Variants in CFAP54 observed in about 807,000 individuals in gnomAD.
The protein encoded by CFAP54 is cilia- and flagella-associated protein 54.
In CFAP54, 290 loss-of-function variants were observed where a neutral mutation model predicts 370.4. The ratio of observed to expected loss-of-function variants is 0.78; its 90% CI spans 0.71 to 0.86. CFAP54 has a LOEUF of 0.86. Ranked by LOEUF, CFAP54 falls within the 40% of genes least tolerant of loss-of-function variation. The pLI, the probability that CFAP54 is intolerant of heterozygous loss-of-function variation, is 0.00. For synonymous variants in CFAP54, 1,206 were observed against 1,236.5 expected, an observed-to-expected ratio of 0.98 and a Z score of 0.52; for missense variants, 3,399 against 3,528.7, an observed-to-expected ratio of 0.96 and a Z score of 0.93.
At chr12:96,812,495 T>C (rs1173479924) in intron 64 of CFAP54, among the ~76,000 whole-genome samples, 1 of 152,222 alleles carries the variant, frequency 6.6e-6, no homozygotes, top group Non-Finnish European at 1.5e-5. Context: ...TTGACTCCAT[T>C]GTTCATTGCC....
chr12:96,550,457 G>A (rs1391721216), intron 15 of CFAP54, among the ~76,000 whole-genome samples: 4 of 152,132 alleles, frequency 2.6e-5, no homozygotes, highest in Non-Finnish European at 5.9e-5. Flanking sequence ...CCTGCCTGTA[G>A]TCCCAGCTAC....
At chr12:96,522,024 ATACT>A (rs1490645964) in intron 7 of CFAP54, 54 bp downstream of exon 7, 17 of 1,524,572 alleles carry the variant, frequency 1.1e-5, no homozygotes, top group Non-Finnish European at 1.5e-5. Flanking sequence ...AGCTGATTAA[ATACT>A]TAGTAGTTGG....
rs1960274333 is a variant in CFAP54, at chr12:96,875,133, GAAAT to G, written c.*35_*38del. On this transcript the variant is annotated 3_prime_UTR_variant, in exon 68 of 68. Coordinates refer to ENST00000524981, the MANE Select transcript of CFAP54 (RefSeq NM_001306084.2). ...CCTCCTCTAGGGATGATAAAACTGA[GAAAT>G]AAATCAAGAGTATGACAACAGACTG... The G allele has an allele frequency of 6.6e-6, 1 of 152,116 alleles. No individual in the cohort carries two copies. Among genetic ancestry groups the G allele is most frequent in the African/African-American group, 2.4e-5 (1 of 41,420 alleles). The allele number at this position is 152,116 out of a possible 1,614,324, so 9.4% of individuals were successfully genotyped here.
At chr12:96,671,741 G>A (rs528940450) in intron 39 of CFAP54, among the ~76,000 whole-genome samples, 17 of 152,236 alleles carry the variant, frequency 1.1e-4, no homozygotes, top group African/African-American at 4.1e-4. Context: ...GGCCAACACG[G>A]TGAAACCCCG....
At chr12:96,694,117 C>G (rs184992564) in intron 45 of CFAP54, among the ~76,000 whole-genome samples, 20 of 152,284 alleles carry the variant, frequency 1.3e-4, no homozygotes, top group East Asian at 1.2e-3. Flanking sequence ...ACCAACTGAA[C>G]CAGATTTCTG....
intron 14 of CFAP54, among the ~76,000 whole-genome samples, chr12:96,544,974 C>T (rs1439925974): frequency 5.9e-5 from 9 of 151,836 alleles, no homozygotes; most frequent in East Asian, 5.8e-4. Context: ...TGCGGTGGCA[C>T]GATCTTGGCT....
rs1243763131 is a variant in CFAP54 at position 96,644,427 on chromosome 12, G to T, written c.4547+19G>T. The T allele has an allele frequency of 2.1e-6, 3 of 1,454,450 alleles. No individual in the cohort carries two copies. The African/African-American group carries it at 4.2e-5, about 20-fold the overall frequency. The allele number at this position is 1,454,450 out of a possible 1,614,324, so 90.1% of individuals were successfully genotyped here. A position where few individuals can be genotyped will look rare whatever the true frequency, so the allele number is the denominator to read the frequency against. On this transcript the variant is annotated intron_variant, in intron 33 of 67. Coordinates refer to ENST00000524981, the MANE Select transcript of CFAP54 (RefSeq NM_001306084.2). ...TGGTCAGGTATAGTATATTACTGAT[G>T]AAAAATACTTTTTTAGTTTCATGAA...
chr12:96,672,773 A>C (rs563270743), intron 39 of CFAP54, among the ~76,000 whole-genome samples: 1 of 152,324 alleles, frequency 6.6e-6, no homozygotes, highest in African/African-American at 2.4e-5. Context: ...TATCCCTTCC[A>C]TCTTAAAAAG....
intron 23 of CFAP54, among the ~76,000 whole-genome samples, chr12:96,590,032 C>A (rs1270556080): frequency 6.6e-6 from 1 of 152,192 alleles, no homozygotes; most frequent in Non-Finnish European, 1.5e-5. Context: ...CAGGCATAAG[C>A]CACCATGCCC....
At chr12:96,781,516 T>C (rs1209657952) in intron 60 of CFAP54, among the ~76,000 whole-genome samples, 1 of 152,076 alleles carries the variant, frequency 6.6e-6, no homozygotes, top group Admixed American at 6.6e-5. Flanking sequence ...TTTCAACTTA[T>C]TGACAAAACA....
In CFAP54 at chr12:96,581,118, T is replaced by C. The variant is rs1335101846; in HGVS notation, c.3075+13T>C. On this transcript the variant is annotated intron_variant, in intron 22 of 67. Transcript: ENST00000524981. ...GTTCCTGACACAGGTAGAAAAGATTTCTGCTAATTTTTTCCACTGTGTTTT... is the reference window on the plus strand; with the variant it reads ...GTTCCTGACACAGGTAGAAAAGATTCCTGCTAATTTTTTCCACTGTGTTTT... 7.0e-7 allele frequency: 1 copy of C among 1,419,776 alleles called. No individual in the cohort carries two copies. The highest frequency in any genetic ancestry group is 2.9e-5 in the Admixed American group (1 of 34,178). 87.9% of individuals were successfully genotyped at this position (1,419,776 alleles called of 1,614,324 possible). A position where few individuals can be genotyped will look rare whatever the true frequency, so the allele number is the denominator to read the frequency against.
At chr12:96,768,227 A>G (rs1398724645) in intron 60 of CFAP54, among the ~76,000 whole-genome samples, 1 of 152,188 alleles carries the variant, frequency 6.6e-6, no homozygotes, top group African/African-American at 2.4e-5. Context: ...AGGGTGAGAC[A>G]GGAGAATCGC....
chr12:96,572,438 A>T (rs1291368310), intron 19 of CFAP54, among the ~76,000 whole-genome samples: 3 of 146,730 alleles, frequency 2.0e-5, no homozygotes, highest in African/African-American at 5.0e-5. Flanking sequence ...GGAATGAGTG[A>T]TTTTTTTTTT....
At chr12:96,758,916 A>C (rs1958299941) in intron 58 of CFAP54, among the ~76,000 whole-genome samples, 1 of 152,188 alleles carries the variant, frequency 6.6e-6, no homozygotes, top group Admixed American at 6.5e-5. Flanking sequence ...CCAAGGTTCT[A>C]GACTCAGGGA....
rs533147912 is a variant in CFAP54 at position 96,723,581 on chromosome 12, A to AT, written c.6965+3017dup. The stretch of plus-strand genomic sequence containing the variant: ...ACCTTCACAGGAGTAACTTTAGAAG[A>AT]TGCTTGGGAAAGATTATGTTTAGAG... On this transcript the variant is annotated intron_variant, in intron 50 of 67. Coordinates refer to ENST00000524981, the MANE Select transcript of CFAP54 (RefSeq NM_001306084.2). 3.7e-3 allele frequency among the ~76,000 whole-genome samples: 557 copies of AT among 152,262 alleles called. 5 individuals carry two copies. The highest frequency in any genetic ancestry group is 0.013 in the African/African-American group (524 of 41,562).
intron 63 of CFAP54, among the ~76,000 whole-genome samples, chr12:96,801,928 A>G (rs1958823775): frequency 6.6e-6 from 1 of 152,098 alleles, no homozygotes; most frequent in African/African-American, 2.4e-5. Flanking sequence ...ATGCATATCT[A>G]GGATAATACT....
intron 12 of CFAP54, among the ~76,000 whole-genome samples, chr12:96,536,388 A>G (rs1376508839): frequency 6.6e-6 from 1 of 152,202 alleles, no homozygotes; most frequent in Admixed American, 6.5e-5. Flanking sequence ...AGAGCACTGT[A>G]TTAACTTTTG....
chr12:96,541,775 A>G lies in CFAP54; in HGVS notation c.2077+788A>G, dbSNP rs150609341. On this transcript the variant is annotated intron_variant, in intron 14 of 67. Transcript: ENST00000524981. ...CATTCTACTTTCTATCTCCTTTTCT[A>G]TTTTCTTTCTTCTAATTCCTTCCTT... is the stretch of plus-strand genomic sequence containing the variant. 5.7e-3 allele frequency among the ~76,000 whole-genome samples: 862 copies of G among 151,362 alleles called. 10 individuals are homozygous for G. Among genetic ancestry groups the G allele is most frequent in the African/African-American group, 0.018 (743 of 41,248 alleles).
intron 30 of CFAP54, among the ~76,000 whole-genome samples, chr12:96,629,656 C>T (rs1956585278): frequency 1.8e-5 from 2 of 112,014 alleles, no homozygotes; most frequent in African/African-American, 6.5e-5. Flanking sequence ...ATTCAGTCTC[C>T]TGTAAATAGG....
Sources: allele counts gnomAD v4.1 joint callset (sites outside exome capture counted in the v4.1 genomes callset), GRCh38; gene constraint gnomAD v4.1.1; transcripts MANE v1.5; gene names NCBI Gene and HGNC (gene_info 2026-07-23, HGNC 2026-07-21).